KCNB2: variants seen among roughly 807,000 people sequenced by gnomAD.
The protein encoded by KCNB2 is potassium voltage-gated channel subfamily B member 2.
In KCNB2, 15 loss-of-function variants were observed where a neutral mutation model predicts 61.5. The ratio of observed to expected loss-of-function variants is 0.24; its 90% CI spans 0.16 to 0.38. The LOEUF (loss-of-function observed/expected upper bound fraction) is 0.38, where lower values mean the gene tolerates loss of function less well. KCNB2 is among the 10% of genes least tolerant of loss of function. The pLI is 1.00. For missense variants in KCNB2, 828 were observed against 1,125.2 expected (o/e 0.74, Z 3.78); for synonymous variants, 457 against 446.0 (o/e 1.02, Z -0.31).
At chr8:72,674,777 C>CT (rs1159406977) in intron 2 of KCNB2, among the ~76,000 whole-genome samples, 1 of 152,096 alleles carries the variant, frequency 6.6e-6, no homozygotes, top group Non-Finnish European at 1.5e-5. Flanking sequence ...CAGGGTATAG[C>CT]AATGAAATTG....
chr8:72,864,600 G>A (rs1348369868), intron 2 of KCNB2, among the ~76,000 whole-genome samples: 1 of 152,200 alleles, frequency 6.6e-6, no homozygotes, highest in Non-Finnish European at 1.5e-5. Flanking sequence ...TAAGGATCAA[G>A]ATAGGTGAGG....
intron 2 of KCNB2, among the ~76,000 whole-genome samples, chr8:72,654,148 G>A (rs559696051): frequency 6.6e-6 from 1 of 152,264 alleles, no homozygotes; most frequent in East Asian, 1.9e-4. Context: ...CTAGTAAGGG[G>A]CAAAGCCAGG....
At chr8:72,616,344 C>T (rs950133175) in intron 2 of KCNB2, among the ~76,000 whole-genome samples, 1 of 152,152 alleles carries the variant, frequency 6.6e-6, no homozygotes, top group African/African-American at 2.4e-5. Context: ...TGGAAGCTAA[C>T]AACAAAACAG....
At chr8:72,884,454 T>C (rs778701111) in intron 2 of KCNB2, among the ~76,000 whole-genome samples, 21 of 152,176 alleles carry the variant, frequency 1.4e-4, no homozygotes, top group Admixed American at 3.9e-4. Flanking sequence ...AGTTTTGATT[T>C]TAATGGAGTC....
intron 1 of KCNB2, among the ~76,000 whole-genome samples, chr8:72,544,192 A>G (rs1806228605): frequency 6.6e-6 from 1 of 152,232 alleles, no homozygotes; most frequent in African/African-American, 2.4e-5. Flanking sequence ...CAGAAGGAAC[A>G]GCATTTGCAA....
At chr8:72,632,228 AGAGT>A (rs1805893179) in intron 2 of KCNB2, among the ~76,000 whole-genome samples, 1 of 152,176 alleles carries the variant, frequency 6.6e-6, no homozygotes, top group Non-Finnish European at 1.5e-5. Flanking sequence ...CCTGGGAGAC[AGAGT>A]GAGACCCTTT....
At chr8:72,843,119 GAT>G (rs2129002755) in intron 2 of KCNB2, among the ~76,000 whole-genome samples, 1 of 152,192 alleles carries the variant, frequency 6.6e-6, no homozygotes, top group Admixed American at 6.5e-5. Flanking sequence ...GTGTCCCAGA[GAT>G]TCCAGTACAC....
chr8:72,622,115 T>A (rs1328334954), intron 2 of KCNB2, among the ~76,000 whole-genome samples: 1 of 152,184 alleles, frequency 6.6e-6, no homozygotes, highest in Non-Finnish European at 1.5e-5. Flanking sequence ...ATGTTGGGGA[T>A]AAATTGATAA....
At chr8:72,906,093 T>G (rs1806172087) in intron 2 of KCNB2, among the ~76,000 whole-genome samples, 1 of 152,242 alleles carries the variant, frequency 6.6e-6, no homozygotes, top group South Asian at 2.1e-4. Context: ...CATTTTCATT[T>G]TCAGATGAAT....
chr8:72,921,328 A>G (rs1473795224), intron 2 of KCNB2, among the ~76,000 whole-genome samples: 2 of 152,162 alleles, frequency 1.3e-5, no homozygotes, highest in African/African-American at 4.8e-5. Context: ...AAATTGATTT[A>G]TAACCCACCA....
At chr8:72,619,637 C>A (rs939476908) in intron 2 of KCNB2, among the ~76,000 whole-genome samples, 9 of 151,868 alleles carry the variant, frequency 5.9e-5, no homozygotes, top group African/African-American at 2.2e-4. Context: ...GGAAGAAGTG[C>A]CCTGCAAGCC....
chr8:72,593,088 A>G (rs1563532794), intron 2 of KCNB2, among the ~76,000 whole-genome samples: 1 of 152,182 alleles, frequency 6.6e-6, no homozygotes, highest in Non-Finnish European at 1.5e-5. Flanking sequence ...ATTTGCTTTG[A>G]TTACATTGAG....
chr8:72,760,608 T>C (rs1808362172), intron 2 of KCNB2, among the ~76,000 whole-genome samples: 1 of 152,174 alleles, frequency 6.6e-6, no homozygotes, highest in African/African-American at 2.4e-5. Context: ...CCAGCTTATT[T>C]TGATACAAAA....
intron 2 of KCNB2, among the ~76,000 whole-genome samples, chr8:72,635,370 C>G (rs1283161136): frequency 1.3e-5 from 2 of 152,092 alleles, no homozygotes; most frequent in Non-Finnish European, 2.9e-5. Flanking sequence ...TCTGAATCAC[C>G]AAGATTAGGC....
chr8:72,630,793 G>A (rs985885905), intron 2 of KCNB2, among the ~76,000 whole-genome samples: 2 of 152,092 alleles, frequency 1.3e-5, no homozygotes, highest in African/African-American at 2.4e-5. Context: ...CTTTGTACTA[G>A]CATGCATTTT....
chr8:72,910,727 T>C (rs773842916), intron 2 of KCNB2, among the ~76,000 whole-genome samples: 2 of 152,186 alleles, frequency 1.3e-5, no homozygotes, highest in Admixed American at 6.6e-5. Flanking sequence ...AGCAAAATTA[T>C]AACAGGTTGA....
At chr8:72,748,386 G>A (rs535580303) in intron 2 of KCNB2, among the ~76,000 whole-genome samples, 13 of 152,194 alleles carry the variant, frequency 8.5e-5, no homozygotes, top group Middle Eastern at 3.4e-3. Flanking sequence ...TGTTCTGGAT[G>A]ATTGCAAACC....
intron 2 of KCNB2, among the ~76,000 whole-genome samples, chr8:72,653,193 A>G (rs1806239307): frequency 6.6e-6 from 1 of 152,166 alleles, no homozygotes; most frequent in Non-Finnish European, 1.5e-5. Flanking sequence ...AAAGATTCTT[A>G]TTCCATTAAG....
intron 2 of KCNB2, among the ~76,000 whole-genome samples, chr8:72,764,739 T>A (rs766083614): frequency 6.6e-6 from 1 of 152,220 alleles, no homozygotes; most frequent in Non-Finnish European, 1.5e-5. Flanking sequence ...ACCCAATTCC[T>A]GATTGCTTAT....
Sources: gnomAD v4.1 joint callset for allele counts (sites outside exome capture counted in the v4.1 genomes callset) on GRCh38, gnomAD v4.1.1 for gene constraint, MANE v1.5 for transcripts, NCBI Gene and HGNC (gene_info 2026-07-23, HGNC 2026-07-21) for gene names.